The following DLG2 variants were observed in gnomAD, a reference collection of about 807,000 sequenced individuals.
The protein encoded by DLG2 is discs large MAGUK scaffold protein 2.
Under a neutral mutation model 132.5 loss-of-function variants are expected in DLG2, and 45 were observed. That is an observed-to-expected ratio of 0.34 (90% CI 0.27 to 0.44). DLG2 has a LOEUF of 0.44. DLG2 is among the 20% of genes least tolerant of loss of function. The probability of loss-of-function intolerance (pLI) is 1.00; values close to 1 mark genes in which losing one functional copy is unlikely to be tolerated. For synonymous variants in DLG2, 424 were observed against 419.6 expected (o/e 1.01, Z -0.13); for missense variants, 1,045 against 1,196.9 (o/e 0.87, Z 1.87).
In DLG2 at chr11:84,576,690, A is replaced by G. The variant is rs114604811; in HGVS notation, c.358-41959T>C. On this transcript the variant is annotated intron_variant, in intron 6 of 27. Coordinates refer to ENST00000376104, the MANE Select transcript of DLG2 (RefSeq NM_001142699.3). ...GGTGAGGTGTGCAAGTAATGAGGATAAAGTTTGAATTGATAATTTTTGGCT... is the reference window on the plus strand; with the variant it reads ...GGTGAGGTGTGCAAGTAATGAGGATGAAGTTTGAATTGATAATTTTTGGCT... 4.9e-3 allele frequency among the ~76,000 whole-genome samples: 750 copies of G among 152,320 alleles called. 7 individuals are homozygous for G. Among genetic ancestry groups the G allele is most frequent in the African/African-American group, 0.017 (714 of 41,574 alleles).
chr11:85,149,120 G>GT (rs1489475351), intron 5 of DLG2, among the ~76,000 whole-genome samples: 1 of 152,028 alleles, frequency 6.6e-6, no homozygotes, highest in African/African-American at 2.4e-5. Context: ...GTCTGTTTTG[G>GT]TACCAGTACC....
intron 19 of DLG2, among the ~76,000 whole-genome samples, chr11:83,560,271 C>A (rs1295319440): frequency 6.6e-6 from 1 of 152,094 alleles, no homozygotes; most frequent in Non-Finnish European, 1.5e-5. Flanking sequence ...CTGTGCACCA[C>A]CATGCCCAGC....
intron 7 of DLG2, among the ~76,000 whole-genome samples, chr11:84,265,501 C>T (rs185084444): frequency 9.3e-4 from 141 of 152,226 alleles, no homozygotes; most frequent in Middle Eastern, 3.4e-3. Flanking sequence ...GGATTTTAGT[C>T]CTACTACATT....
At chr11:84,521,001 C>T (rs1390735874) in intron 7 of DLG2, among the ~76,000 whole-genome samples, 6 of 152,156 alleles carry the variant, frequency 3.9e-5, no homozygotes, top group African/African-American at 1.4e-4. Flanking sequence ...AGCATTGCTA[C>T]GATGTACATT....
At chr11:84,907,929 T>C (rs1023967428) in intron 6 of DLG2, among the ~76,000 whole-genome samples, 1 of 152,178 alleles carries the variant, frequency 6.6e-6, no homozygotes, top group Non-Finnish European at 1.5e-5. Context: ...CTTTTAAATC[T>C]AGCATTCAAT....
chr11:84,696,684 C>A (rs527872843), intron 6 of DLG2, among the ~76,000 whole-genome samples: 4 of 151,328 alleles, frequency 2.6e-5, no homozygotes, highest in African/African-American at 9.7e-5. Flanking sequence ...TTATGTCTAC[C>A]ATGTAGACAT....
chr11:84,202,302 G>A (rs2096606301), intron 8 of DLG2, among the ~76,000 whole-genome samples: 1 of 152,106 alleles, frequency 6.6e-6, no homozygotes, highest in Non-Finnish European at 1.5e-5. Context: ...AGAGAATCCA[G>A]AGATGAGATT....
rs149525335 is a variant in DLG2 at position 85,196,149 on chromosome 11, T to C, written c.187-41498A>G. 2.0e-5 allele frequency among the ~76,000 whole-genome samples: 3 copies of C among 152,298 alleles called. No individual in the cohort carries two copies. In the East Asian group the frequency reaches 5.8e-4, roughly 29 times the overall value. On this transcript the variant is annotated intron_variant, in intron 4 of 27. Coordinates refer to ENST00000376104, the MANE Select transcript of DLG2 (RefSeq NM_001142699.3). The stretch of plus-strand genomic sequence containing the variant: ...TTGACCATAAAGTTGTTGCTCAAGG[T>C]TGTAAAATCAGTGACAAATCCAAGT...
chr11:83,618,513 G>A (rs1254359553), intron 19 of DLG2, among the ~76,000 whole-genome samples: 1 of 152,166 alleles, frequency 6.6e-6, no homozygotes, highest in East Asian at 1.9e-4. Flanking sequence ...CTTTAAATGA[G>A]TATTTCTATT....
chr11:84,568,523 T>TA (rs1050409952), intron 6 of DLG2, among the ~76,000 whole-genome samples: 12 of 151,960 alleles, frequency 7.9e-5, no homozygotes, highest in Admixed American at 6.6e-4. Flanking sequence ...AATAAATAAA[T>TA]AATAAGAGGC....
chr11:84,446,058 T>C (rs997194613), intron 7 of DLG2, among the ~76,000 whole-genome samples: 3 of 151,910 alleles, frequency 2.0e-5, no homozygotes, highest in Admixed American at 6.6e-5. Context: ...TTCATAGAGC[T>C]CATATTTTTT....
intron 5 of DLG2, among the ~76,000 whole-genome samples, chr11:85,150,703 T>C (rs1379766553): frequency 6.5e-5 from 1 of 15,484 alleles, no homozygotes; most frequent in Non-Finnish European, 1.3e-4. Flanking sequence ...CTACATAGTG[T>C]GTGTGTGTGT....
chr11:85,090,248 G>T (rs1489089832), intron 6 of DLG2, among the ~76,000 whole-genome samples: 1 of 152,106 alleles, frequency 6.6e-6, no homozygotes, highest in East Asian at 1.9e-4. Flanking sequence ...AGTGGGCTTG[G>T]TTAGAATGCA....
At chr11:85,316,630 C>T (rs1160273479) in intron 3 of DLG2, among the ~76,000 whole-genome samples, 1 of 151,842 alleles carries the variant, frequency 6.6e-6, no homozygotes, top group Non-Finnish European at 1.5e-5. Flanking sequence ...TGTACAAAAG[C>T]TAAAGATAGG....
chr11:84,107,636 G>T lies in DLG2; in HGVS notation c.625-8589C>A, dbSNP rs140150824. ...CAGCATAACTCAGCCATGGGTAGGG[G>T]GAGGAATACTTCGCCCTCTGAGATA... On this transcript the variant is annotated intron_variant, in intron 9 of 27. Transcript: ENST00000376104. Among the ~76,000 whole-genome samples, 70 of 152,154 alleles carry T rather than the reference G, an allele frequency of 4.6e-4. 1 individual carries two copies. Among genetic ancestry groups the T allele is most frequent in the African/African-American group, 1.7e-3 (69 of 41,514 alleles).
chr11:85,015,463 T>C (rs958550696), intron 6 of DLG2, among the ~76,000 whole-genome samples: 5 of 151,520 alleles, frequency 3.3e-5, no homozygotes, highest in African/African-American at 1.2e-4. Context: ...CAACTAGCTT[T>C]CCTAGCTGTG....
At chr11:85,492,610 T>A (rs2093586890) in intron 3 of DLG2, among the ~76,000 whole-genome samples, 1 of 152,172 alleles carries the variant, frequency 6.6e-6, no homozygotes, top group Non-Finnish European at 1.5e-5. Context: ...AGAAAATAGA[T>A]TTATACAAAT....
At chr11:84,597,081 G>A (rs993387553) in intron 6 of DLG2, among the ~76,000 whole-genome samples, 3 of 152,052 alleles carry the variant, frequency 2.0e-5, no homozygotes, top group Admixed American at 2.0e-4. Flanking sequence ...TTAGTCAGGT[G>A]TGGTTTCTCA....
intron 18 of DLG2, among the ~76,000 whole-genome samples, chr11:83,770,802 A>G (rs2094361750): frequency 6.6e-6 from 1 of 152,232 alleles, no homozygotes; most frequent in South Asian, 2.1e-4. Context: ...TGTGAGAAAA[A>G]ATTACAATAA....
Sources: allele counts gnomAD v4.1 joint callset (sites outside exome capture counted in the v4.1 genomes callset), GRCh38; gene constraint gnomAD v4.1.1; transcripts MANE v1.5; gene names NCBI Gene and HGNC (gene_info 2026-07-23, HGNC 2026-07-21).